The following UGT2A1 variants were observed in gnomAD, a reference collection of about 807,000 sequenced individuals.
The protein encoded by UGT2A1 is UDP-glucuronosyltransferase 2A1.
UGT2A1 carries 61 observed loss-of-function variants against 45.4 expected under a neutral mutation model. The ratio of observed to expected loss-of-function variants is 1.34; its 90% CI spans 1.09 to 1.66. The LOEUF is 1.66. Ranked by LOEUF, UGT2A1 falls within the 40% of genes most tolerant of loss-of-function variation. The pLI is 0.00. For missense variants in UGT2A1, 649 were observed against 574.3 expected (o/e 1.13, Z -1.33); for synonymous variants, 229 against 196.2 (o/e 1.17, Z -1.40).
intron 2 of UGT2A1, among the ~76,000 whole-genome samples, chr4:69,636,651 T>C (rs1471787095): frequency 6.6e-6 from 1 of 152,162 alleles, no homozygotes; most frequent in Non-Finnish European, 1.5e-5. Context: ...AAACCATTTA[T>C]TTTTTGTAGA....
At chr4:69,614,711 C>G (rs1720270435) in intron 3 of UGT2A1, among the ~76,000 whole-genome samples, 1 of 152,020 alleles carries the variant, frequency 6.6e-6, no homozygotes, top group Admixed American at 6.6e-5. Flanking sequence ...CAAATACATA[C>G]ATTGGGAAAG....
intron 3 of UGT2A1, among the ~76,000 whole-genome samples, chr4:69,613,788 A>C (rs1346993409): frequency 6.6e-6 from 1 of 152,068 alleles, no homozygotes; most frequent in Admixed American, 6.6e-5. Context: ...TTCATGATTA[A>C]AAACTCTCAA....
At chr4:69,641,682 T>C (rs1382571950) in intron 2 of UGT2A1, among the ~76,000 whole-genome samples, 1 of 151,878 alleles carries the variant, frequency 6.6e-6, no homozygotes, top group Non-Finnish European at 1.5e-5. Context: ...AGCACTTTGC[T>C]TTTTACCTCA....
At chr4:69,625,422 A>T (rs1026906651) in intron 3 of UGT2A1, among the ~76,000 whole-genome samples, 4 of 150,646 alleles carry the variant, frequency 2.7e-5, no homozygotes, top group Admixed American at 1.3e-4. Context: ...ATATGTTAGG[A>T]TGTTTTGTTT....
rs544558441 is a variant in UGT2A1, at chr4:69,606,272, C to T, written c.848-6878G>A. On this transcript the variant is annotated intron_variant, in intron 3 of 6. Coordinates refer to ENST00000286604, the MANE Select transcript of UGT2A1 (RefSeq NM_001252275.3). ...TGGGACGCAAGGCTGGGTCAACATA[C>T]GCAAATCAACAAACGTAATCCAGCA... 4.5e-4 allele frequency among the ~76,000 whole-genome samples: 62 copies of T among 136,422 alleles called. 10 individuals are homozygous for T. Among genetic ancestry groups the T allele is most frequent in the South Asian group, 1.9e-3 (8 of 4,116 alleles). 89.5% of individuals were successfully genotyped at this position (136,422 alleles called of 152,430 possible).
At chr4:69,650,846 T>TG (rs1560500016) in intron 1 of UGT2A1, among the ~76,000 whole-genome samples, 1 of 152,072 alleles carries the variant, frequency 6.6e-6, no homozygotes, top group African/African-American at 2.4e-5. Flanking sequence ...TCCAGCTTTT[T>TG]GGGGGGATTA....
chr4:69,642,143 C>G (rs143851367), intron 2 of UGT2A1, among the ~76,000 whole-genome samples: 2 of 151,868 alleles, frequency 1.3e-5, no homozygotes, highest in East Asian at 1.9e-4. Flanking sequence ...GCATATAAAA[C>G]TCAAGATTAT....
In UGT2A1 at chr4:69,643,876, A is replaced by G. The variant is rs182127720; in HGVS notation, c.715+3054T>C. Among the ~76,000 whole-genome samples, 4 of 151,788 alleles carry G rather than the reference A, an allele frequency of 2.6e-5. No homozygotes were observed. In the East Asian group the frequency reaches 7.7e-4, roughly 29 times the overall value. On this transcript the variant is annotated intron_variant, in intron 2 of 6. Coordinates refer to ENST00000286604, the MANE Select transcript of UGT2A1 (RefSeq NM_001252275.3). ...TCAAATTACAAATTGGAAAGGAGTT[A>G]TTTTTACAAGTCAGTTCCATTTATC...
At position 69,616,834 on chromosome 4, in the gene UGT2A1, T is replaced by TTTC. The variant is rs1491226272; in HGVS notation, c.848-17441_848-17440insGAA. Among the ~76,000 whole-genome samples the TTTC allele has an allele frequency of 2.1e-3, 26 of 12,258 alleles. No homozygotes were observed. The East Asian group carries it at 0.057, about 27-fold the overall frequency. 8.0% of individuals were successfully genotyped at this position (12,258 alleles called of 152,430 possible). A position where few individuals can be genotyped will look rare whatever the true frequency, so the allele number is the denominator to read the frequency against. On this transcript the variant is annotated intron_variant, in intron 3 of 6. Transcript: ENST00000286604. Reference sequence around the variant, plus strand: ...TAAATTTCTCTGCCATTTTCTTTTCTTTTTTTTTTTTTTTTTGAATAGTGG... The same window carrying TTTC: ...TAAATTTCTCTGCCATTTTCTTTTCTTTCTTTTTTTTTTTTTTTTGAATAGTGG...
chr4:69,600,559 A>G (rs1045702549), intron 3 of UGT2A1, among the ~76,000 whole-genome samples: 5 of 152,210 alleles, frequency 3.3e-5, no homozygotes, highest in Admixed American at 6.5e-5. Flanking sequence ...CACAGTTTCC[A>G]TCTCAGTGGG....
At chr4:69,634,138 C>A (rs943531023) in intron 3 of UGT2A1, among the ~76,000 whole-genome samples, 1 of 151,598 alleles carries the variant, frequency 6.6e-6, no homozygotes, top group Admixed American at 6.6e-5. Context: ...CCAGCTACTC[C>A]GGAGGCTGAG....
intron 1 of UGT2A1, among the ~76,000 whole-genome samples, chr4:69,652,000 G>C (rs1342981241): frequency 6.6e-6 from 1 of 152,116 alleles, no homozygotes; most frequent in Non-Finnish European, 1.5e-5. Flanking sequence ...TCTCTTCCAA[G>C]TACGTTTTCC....
chr4:69,639,032 C>T (rs780447872), intron 2 of UGT2A1: 15 of 1,613,142 alleles, frequency 9.3e-6, no homozygotes, highest in South Asian at 3.3e-5. Context: ...ATAAGGCTGC[C>T]GGTACATAGG....
chr4:69,620,156 T>C (rs551352289), intron 3 of UGT2A1, among the ~76,000 whole-genome samples: 86 of 151,882 alleles, frequency 5.7e-4, no homozygotes, highest in Non-Finnish European at 1.1e-3. Context: ...GAGAAAGAAA[T>C]AAAAGGCATC....
intron 3 of UGT2A1, 60 bp from the exon 4 acceptor site, chr4:69,599,454 A>G: frequency 1.3e-6 from 2 of 1,581,526 alleles, no homozygotes; most frequent in Non-Finnish European, 1.7e-6. Flanking sequence ...CTGAGGAGAA[A>G]AAAAAGCTAC....
intron 3 of UGT2A1, among the ~76,000 whole-genome samples, chr4:69,613,463 A>G (rs1440931757): frequency 6.6e-6 from 1 of 151,994 alleles, no homozygotes; most frequent in East Asian, 1.9e-4. Flanking sequence ...AATATGTTCC[A>G]AAACATAGTA....
intron 2 of UGT2A1, among the ~76,000 whole-genome samples, chr4:69,641,308 A>G (rs1420420565): frequency 6.6e-6 from 1 of 151,972 alleles, no homozygotes; most frequent in Non-Finnish European, 1.5e-5. Context: ...TTATCCTTAA[A>G]ACAACATTTT....
intron 1 of UGT2A1, among the ~76,000 whole-genome samples, chr4:69,650,685 A>G (rs1722480423): frequency 6.6e-6 from 1 of 152,142 alleles, no homozygotes. Flanking sequence ...TTATTAAGCA[A>G]CAAGTATATT....
chr4:69,623,952 A>G (rs893880504), intron 3 of UGT2A1, among the ~76,000 whole-genome samples: 5 of 151,708 alleles, frequency 3.3e-5, no homozygotes, highest in Non-Finnish European at 5.9e-5. Context: ...TTAAAAAAGC[A>G]TCTTATAGAT....
Sources: gnomAD v4.1 joint callset for allele counts (sites outside exome capture counted in the v4.1 genomes callset) on GRCh38, gnomAD v4.1.1 for gene constraint, MANE v1.5 for transcripts, NCBI Gene and HGNC (gene_info 2026-07-23, HGNC 2026-07-21) for gene names.